DMXL2: variants seen among roughly 807,000 people sequenced by gnomAD.
DMXL2 encodes the protein dmX-like protein 2.
In DMXL2, 103 loss-of-function variants were observed where a neutral mutation model predicts 331.1. The observed-to-expected ratio is 0.31, with a 90% CI of 0.27 to 0.37. DMXL2 has a LOEUF of 0.37. Among genes scored for constraint, DMXL2 ranks in the 10% least tolerant of loss-of-function variants. The pLI is 1.00. For synonymous variants in DMXL2, 1,281 were observed against 1,252.1 expected (o/e 1.02, Z -0.49); for missense variants, 3,171 against 3,642.9 (o/e 0.87, Z 3.33).
At chr15:51,587,719 C>T (rs972601330) in intron 1 of DMXL2, among the ~76,000 whole-genome samples, 3 of 152,236 alleles carry the variant, frequency 2.0e-5, no homozygotes, top group African/African-American at 4.8e-5. Context: ...GTATTTCTAG[C>T]TCTAGATCCC....
At chr15:51,542,106 A>C (rs1004777867) in intron 9 of DMXL2, among the ~76,000 whole-genome samples, 4 of 152,204 alleles carry the variant, frequency 2.6e-5, no homozygotes, top group African/African-American at 9.6e-5. Flanking sequence ...TATAGTCTAG[A>C]CAAAGATGCT....
At chr15:51,500,929 A>C (rs980278716) in intron 17 of DMXL2, among the ~76,000 whole-genome samples, 3 of 152,230 alleles carry the variant, frequency 2.0e-5, no homozygotes, top group African/African-American at 7.2e-5. Flanking sequence ...CAATAATTTC[A>C]TTAACAGTGG....
At chr15:51,512,523 CA>C (rs1270385873) in intron 15 of DMXL2, among the ~76,000 whole-genome samples, 1 of 152,074 alleles carries the variant, frequency 6.6e-6, no homozygotes, top group South Asian at 2.1e-4. Flanking sequence ...TAAAATATTT[CA>C]GGGGGGCCAG....
At chr15:51,569,241 G>A (rs8036904) in intron 2 of DMXL2, among the ~76,000 whole-genome samples, 73,044 of 151,956 alleles carry the variant, frequency 0.48, 17,868 homozygotes, top group Non-Finnish European at 0.52. Flanking sequence ...TGGGACACTC[G>A]AGCTTGGTGG....
intron 15 of DMXL2, 99 bp from the exon 16 acceptor site, chr15:51,507,352 G>A: frequency 1.7e-6 from 2 of 1,197,862 alleles, no homozygotes; most frequent in East Asian, 2.5e-5. Context: ...ATGCATGGAA[G>A]TTGGGAAGAA....
chr15:51,504,490 T>C (rs903667465), intron 16 of DMXL2, among the ~76,000 whole-genome samples: 3 of 152,212 alleles, frequency 2.0e-5, no homozygotes, highest in Admixed American at 6.5e-5. Flanking sequence ...TTCCGTGACA[T>C]ATAAGAGATA....
intron 13 of DMXL2, among the ~76,000 whole-genome samples, chr15:51,527,726 A>G (rs1262542719): frequency 6.6e-6 from 1 of 152,034 alleles, no homozygotes; most frequent in Non-Finnish European, 1.5e-5. Context: ...TGCCTCCAAA[A>G]AAAAAAAAAA....
intron 2 of DMXL2, among the ~76,000 whole-genome samples, chr15:51,569,322 G>A (rs1431187056): frequency 2.6e-5 from 4 of 152,186 alleles, no homozygotes; most frequent in Non-Finnish European, 5.9e-5. Context: ...CAAAGCTGCT[G>A]GGAAGTTTGA....
At position 51,495,125 on chromosome 15, in the gene DMXL2, G is replaced by A; in HGVS notation, c.4682C>T (p.Thr1561Ile). The change falls in exon 19 of 44, where the codon ACA becomes ATA. Residue 1561 changes from threonine to isoleucine, a missense_variant. Physicochemically the swap from Thr to Ile is moderately conservative, Grantham distance 89. Around this residue, in one of 7 missense-constraint regions of DMXL2, gnomAD observed 252 missense variants for 387.4 expected, o/e 0.65. Transcript: ENST00000560891. ...GTATCTCAAACCACACTCATCTAAT[G>A]TATCTCTTCCTGTAATTTAAACAGG... is the stretch of plus-strand genomic sequence containing the variant. ...SRDKSCSGRDTLDECGLRYLL... is the reference protein window; with the variant it reads ...SRDKSCSGRDILDECGLRYLL... 1 of 1,609,076 alleles carries A rather than the reference G, an allele frequency of 6.2e-7. No individual in the cohort carries two copies. The highest frequency in any genetic ancestry group is 1.7e-4 in the Middle Eastern group (1 of 6,048).
At chr15:51,536,085 C>G (rs2048269646) in intron 12 of DMXL2, 81 bp downstream of exon 12, 2 of 1,261,658 alleles carry the variant, frequency 1.6e-6, no homozygotes, top group Non-Finnish European at 1.1e-6. Flanking sequence ...ATCTTAATGA[C>G]AACAAATATA....
intron 6 of DMXL2, among the ~76,000 whole-genome samples, chr15:51,556,215 C>T (rs955409745): frequency 7.9e-5 from 12 of 151,694 alleles, no homozygotes; most frequent in East Asian, 1.9e-4. Flanking sequence ...TGGTGGCGGG[C>T]GCCTGTAGTC....
chr15:51,560,147 A>T (rs2049861257), intron 6 of DMXL2, among the ~76,000 whole-genome samples: 1 of 152,200 alleles, frequency 6.6e-6, no homozygotes. Flanking sequence ...AGGAGAAAAT[A>T]AAAAAGAATA....
At chr15:51,464,222 T>C (rs2040375505) in intron 32 of DMXL2, among the ~76,000 whole-genome samples, 1 of 152,108 alleles carries the variant, frequency 6.6e-6, no homozygotes, top group Non-Finnish European at 1.5e-5. Context: ...GGCAACATGG[T>C]GAAACCCTGT....
intron 15 of DMXL2, among the ~76,000 whole-genome samples, chr15:51,510,937 TG>T (rs2140597909): frequency 6.6e-6 from 1 of 152,246 alleles, no homozygotes; most frequent in South Asian, 2.1e-4. Flanking sequence ...AAACAAGCAA[TG>T]GGGAAAGGAT....
chr15:51,481,552 G>A lies in DMXL2; in HGVS notation c.5554C>T (p.Arg1852Ter). 2 of 1,610,176 alleles carry A rather than the reference G, an allele frequency of 1.2e-6. No homozygotes were observed. Among genetic ancestry groups the A allele is most frequent in the Non-Finnish European group, 1.7e-6 (2 of 1,178,988 alleles). ...CCTTCAGGGGAGGCAAGATTTCTTC[G>A]AATGAGCAAAGGATGAGTTCGAAGG... The part of the protein sequence containing the change: ...NYLRTHPLLI[R>*]RNLASPEGTL... The change falls in exon 24 of 44, where the codon CGA becomes TGA. Residue 1852 changes from arginine to a stop codon, truncating the protein, a stop_gained. Coordinates refer to ENST00000560891, the MANE Select transcript of DMXL2 (RefSeq NM_001378457.1). LOFTEE classifies it high-confidence loss of function.
intron 15 of DMXL2, among the ~76,000 whole-genome samples, chr15:51,509,376 T>C (rs1030084631): frequency 3.3e-5 from 5 of 152,112 alleles, no homozygotes; most frequent in African/African-American, 1.2e-4. Context: ...AAAGGGGCTA[T>C]CATCACTGAT....
intron 10 of DMXL2, 24 bp downstream of exon 10, chr15:51,538,189 A>G (rs781099768): frequency 6.3e-7 from 1 of 1,590,054 alleles, no homozygotes; most frequent in Non-Finnish European, 8.6e-7. Flanking sequence ...TGGAGTAAGT[A>G]AAATCTGAAC....
chr15:51,563,517 T>C (rs1223401900), intron 5 of DMXL2, 70 bp from the exon 6 acceptor site: 13 of 1,055,902 alleles, frequency 1.2e-5, no homozygotes, highest in Admixed American at 2.9e-5. Flanking sequence ...ATGGTCAAGA[T>C]GAGATTTTTG....
chr15:51,483,244 C>T (rs2042147288), intron 23 of DMXL2, among the ~76,000 whole-genome samples: 1 of 152,178 alleles, frequency 6.6e-6, no homozygotes, highest in Admixed American at 6.5e-5. Flanking sequence ...CGCCAGTGAG[C>T]CAAGCTGCTG....
Sources: gnomAD v4.1 joint callset for allele counts (sites outside exome capture counted in the v4.1 genomes callset) on GRCh38, gnomAD v4.1.1 for gene constraint, gnomAD v4.1.1 regional missense constraint, MANE v1.5 for transcripts, NCBI Gene and HGNC (gene_info 2026-07-23, HGNC 2026-07-21) for gene names.